SKAP1: variants seen among roughly 807,000 people sequenced by gnomAD.
SKAP1 encodes the protein src kinase associated phosphoprotein 1, also known as src kinase-associated phosphoprotein 1.
Under a neutral mutation model 58.5 loss-of-function variants are expected in SKAP1, and 44 were observed. The observed-to-expected ratio is 0.75, with a 90% CI of 0.59 to 0.97. The LOEUF is 0.97. Ranked by LOEUF, SKAP1 falls within the 50% of genes least tolerant of loss-of-function variation. The pLI is 0.00. For synonymous variants in SKAP1, 127 were observed against 149.7 expected (o/e 0.85, Z 1.11); for missense variants, 390 against 435.2 (o/e 0.90, Z 0.92).
intron 4 of SKAP1, among the ~76,000 whole-genome samples, chr17:48,319,712 T>C (rs1368734607): frequency 3.9e-5 from 6 of 152,116 alleles, no homozygotes; most frequent in Non-Finnish European, 8.8e-5. Context: ...TGTAGTGGTA[T>C]GGGCCTGTAG....
intron 4 of SKAP1, among the ~76,000 whole-genome samples, chr17:48,237,199 C>T (rs2065191181): frequency 6.6e-6 from 1 of 152,096 alleles, no homozygotes; most frequent in Non-Finnish European, 1.5e-5. Context: ...AAGAGAATGT[C>T]ATAAAGATTT....
intron 1 of SKAP1, among the ~76,000 whole-genome samples, chr17:48,424,692 T>C (rs1408595988): frequency 7.3e-5 from 11 of 150,134 alleles, no homozygotes; most frequent in Non-Finnish European, 1.5e-4. Context: ...GCCAGCACTT[T>C]GGGAGGCCGA....
At chr17:48,335,384 T>G (rs993604903) in intron 4 of SKAP1, among the ~76,000 whole-genome samples, 1 of 152,024 alleles carries the variant, frequency 6.6e-6, no homozygotes, top group African/African-American at 2.4e-5. Flanking sequence ...TCATTGATTC[T>G]TGTCTAGAGA....
At chr17:48,209,458 A>G (rs1598429801) in intron 4 of SKAP1, among the ~76,000 whole-genome samples, 2 of 152,204 alleles carry the variant, frequency 1.3e-5, no homozygotes, top group African/African-American at 4.8e-5. Context: ...AATCTTAATT[A>G]CCCCAGGTTT....
intron 4 of SKAP1, among the ~76,000 whole-genome samples, chr17:48,273,764 T>C (rs1204623384): frequency 6.6e-6 from 1 of 152,088 alleles, no homozygotes; most frequent in Non-Finnish European, 1.5e-5. Context: ...TTTTGTATAG[T>C]CTCTATTAGT....
upstream of SKAP1, among the ~76,000 whole-genome samples, chr17:48,432,643 ATTTTT>A (rs1028539250): frequency 6.6e-6 from 1 of 151,496 alleles, no homozygotes; most frequent in African/African-American, 2.4e-5. Flanking sequence ...TATCATCTCA[ATTTTT>A]TTTTGGTAAA....
intron 4 of SKAP1, among the ~76,000 whole-genome samples, chr17:48,220,852 C>CAAAAAAAA (rs56006389): frequency 9.6e-5 from 8 of 83,630 alleles, no homozygotes; most frequent in South Asian, 3.8e-4. Context: ...GACTCCATCT[C>CAAAAAAAA]AAAAAAAAAA....
chr17:48,272,550 AATTTTTATTT>A (rs1031245046), intron 4 of SKAP1, among the ~76,000 whole-genome samples: 1 of 151,850 alleles, frequency 6.6e-6, no homozygotes. Context: ...TCTTATTTTT[AATTTTTATTT>A]ATTTTTATTT....
chr17:48,351,912 G>A (rs1471643222), intron 3 of SKAP1, among the ~76,000 whole-genome samples: 1 of 152,032 alleles, frequency 6.6e-6, no homozygotes, highest in Non-Finnish European at 1.5e-5. Flanking sequence ...GTGGTGGATT[G>A]GACAGGAAAA....
chr17:48,232,952 T>C (rs1181348901), intron 4 of SKAP1, among the ~76,000 whole-genome samples: 1 of 152,194 alleles, frequency 6.6e-6, no homozygotes, highest in Non-Finnish European at 1.5e-5. Flanking sequence ...TTGATCTTCC[T>C]TTTCTTAGGT....
At chr17:48,372,216 C>T (rs2067096794) in intron 2 of SKAP1, among the ~76,000 whole-genome samples, 2 of 152,168 alleles carry the variant, frequency 1.3e-5, no homozygotes, top group South Asian at 4.1e-4. Flanking sequence ...AAGTGATTTA[C>T]CCACCTCAGC....
chr17:48,341,743 T>C (rs1036284639), intron 4 of SKAP1, among the ~76,000 whole-genome samples: 1 of 152,220 alleles, frequency 6.6e-6, no homozygotes, highest in African/African-American at 2.4e-5. Flanking sequence ...TTTCTCATTT[T>C]GCTGAAGAAT....
chr17:48,172,117 G>A (rs2064226771), intron 9 of SKAP1, among the ~76,000 whole-genome samples: 1 of 152,118 alleles, frequency 6.6e-6, no homozygotes, highest in Admixed American at 6.6e-5. Flanking sequence ...AATCCTTAAT[G>A]TATCCATCTT....
At chr17:48,214,118 A>G (rs2064909258) in intron 4 of SKAP1, among the ~76,000 whole-genome samples, 1 of 152,224 alleles carries the variant, frequency 6.6e-6, no homozygotes, top group African/African-American at 2.4e-5. Context: ...TAATTTGTAA[A>G]TATCACTGGC....
At chr17:48,311,909 A>G (rs1279998075) in intron 4 of SKAP1, among the ~76,000 whole-genome samples, 2 of 152,234 alleles carry the variant, frequency 1.3e-5, no homozygotes, top group Non-Finnish European at 2.9e-5. Context: ...AGCACCAGCC[A>G]TGATAAATAC....
chr17:48,228,639 A>T (rs538076017), intron 4 of SKAP1, among the ~76,000 whole-genome samples: 2 of 152,310 alleles, frequency 1.3e-5, no homozygotes, highest in Non-Finnish European at 2.9e-5. Context: ...ACATGTATCA[A>T]CTCATTCAGG....
At chr17:48,357,355 G>T (rs1049997623) in intron 3 of SKAP1, among the ~76,000 whole-genome samples, 1 of 152,166 alleles carries the variant, frequency 6.6e-6, no homozygotes, top group Non-Finnish European at 1.5e-5. Context: ...TTTTGGCCGG[G>T]TGCAGTGGCT....
intron 4 of SKAP1, among the ~76,000 whole-genome samples, chr17:48,305,733 T>C (rs2066131124): frequency 6.6e-6 from 1 of 152,344 alleles, no homozygotes. Context: ...AAATGTGAGA[T>C]ATTTTTATTA....
the SKAP1 span, among the ~76,000 whole-genome samples, chr17:48,438,876 G>T: frequency 2.0e-5 from 3 of 152,202 alleles, no homozygotes; most frequent in East Asian, 5.8e-4. Context: ...CTTGGGGAGT[G>T]TGTGGGAGGG....
Sources: allele counts gnomAD v4.1 joint callset (sites outside exome capture counted in the v4.1 genomes callset), GRCh38; gene constraint gnomAD v4.1.1; transcripts MANE v1.5; gene names NCBI Gene and HGNC (gene_info 2026-07-23, HGNC 2026-07-21).